The following IDE variants were observed in gnomAD, a reference collection of about 807,000 sequenced individuals.
IDE encodes insulin degrading enzyme, also known as insulin-degrading enzyme.
IDE carries 58 observed loss-of-function variants against 133.2 expected under a neutral mutation model. That is an observed-to-expected ratio of 0.44 (90% CI 0.35 to 0.54). IDE has a LOEUF of 0.54. IDE is among the 20% of genes least tolerant of loss of function. The pLI is 0.00. For missense variants in IDE, 981 were observed against 1,234.0 expected (o/e 0.79, Z 3.07); for synonymous variants, 396 against 421.3 (o/e 0.94, Z 0.73).
intron 22 of IDE, among the ~76,000 whole-genome samples, chr10:92,457,865 C>T (rs982018518): frequency 6.6e-6 from 1 of 152,298 alleles, no homozygotes; most frequent in East Asian, 1.9e-4. Context: ...GCAGGCAAAA[C>T]AGCCCAGATT....
intron 11 of IDE, among the ~76,000 whole-genome samples, chr10:92,502,048 CAGG>C (rs1251958796): frequency 6.6e-6 from 1 of 151,954 alleles, no homozygotes; most frequent in African/African-American, 2.4e-5. Flanking sequence ...GAAGCTGACG[CAGG>C]AGATCACTTA....
intron 1 of IDE, among the ~76,000 whole-genome samples, chr10:92,542,930 A>C (rs916637405): frequency 3.9e-5 from 6 of 152,182 alleles, no homozygotes; most frequent in African/African-American, 1.4e-4. Context: ...CTCTGCAAAG[A>C]ATCTTTTATT....
chr10:92,569,835 C>G (rs75798317), intron 1 of IDE, among the ~76,000 whole-genome samples: 1 of 152,104 alleles, frequency 6.6e-6, no homozygotes, highest in African/African-American at 2.4e-5. Flanking sequence ...TTATTCCGAG[C>G]GCAGTGGCTC....
intron 9 of IDE, among the ~76,000 whole-genome samples, chr10:92,506,774 A>T (rs1174937188): frequency 6.6e-6 from 1 of 152,168 alleles, no homozygotes. Flanking sequence ...TTTCAATGAA[A>T]ATAACAAATA....
intron 1 of IDE, among the ~76,000 whole-genome samples, chr10:92,547,717 C>T (rs1842592045): frequency 6.6e-6 from 1 of 152,066 alleles, no homozygotes; most frequent in Non-Finnish European, 1.5e-5. Flanking sequence ...GATGATCTGC[C>T]CAACTCAGAG....
intron 6 of IDE, 28 bp downstream of exon 6, chr10:92,510,022 G>A: frequency 8.5e-7 from 1 of 1,183,040 alleles, no homozygotes; most frequent in Non-Finnish European, 1.2e-6. Context: ...AAATTAAGAA[G>A]ACAAAATACC....
chr10:92,502,595 A>G (rs1024370841), intron 11 of IDE, among the ~76,000 whole-genome samples: 1 of 152,212 alleles, frequency 6.6e-6, no homozygotes, highest in Non-Finnish European at 1.5e-5. Context: ...ATCAGTGCAT[A>G]TATCACTTTA....
intron 22 of IDE, among the ~76,000 whole-genome samples, chr10:92,460,676 ACT>A (rs1845328706): frequency 6.6e-6 from 1 of 152,238 alleles, no homozygotes; most frequent in African/African-American, 2.4e-5. Context: ...GGTTCAGCAA[ACT>A]TGGTTTAGAG....
At chr10:92,568,979 G>T (rs967824124) in intron 1 of IDE, among the ~76,000 whole-genome samples, 1 of 151,756 alleles carries the variant, frequency 6.6e-6, no homozygotes, top group African/African-American at 2.4e-5. Context: ...TATATACTCT[G>T]GCATGTACAA....
intron 5 of IDE, among the ~76,000 whole-genome samples, chr10:92,510,950 G>C (rs959079280): frequency 3.3e-5 from 5 of 151,160 alleles, no homozygotes; most frequent in Non-Finnish European, 7.4e-5. Context: ...AAATGAGTTA[G>C]ATCTTTGAGA....
chr10:92,484,179 G>A (rs112132897), intron 13 of IDE, among the ~76,000 whole-genome samples: 8,112 of 151,792 alleles, frequency 0.053, 765 homozygotes, highest in African/African-American at 0.18. Flanking sequence ...TTGGGATGCC[G>A]AGGTGGGTGG....
chr10:92,480,899 C>A, intron 14 of IDE: 2 of 963,442 alleles, frequency 2.1e-6, no homozygotes, highest in Non-Finnish European at 2.5e-6. Flanking sequence ...CAGCCAAAAG[C>A]CAACAATTTT....
chr10:92,466,144 T>A (rs1056217961), intron 19 of IDE, among the ~76,000 whole-genome samples: 1 of 146,770 alleles, frequency 6.8e-6, no homozygotes, highest in Non-Finnish European at 1.5e-5. Flanking sequence ...GGCGGGAGGA[T>A]CACTTGACCC....
chr10:92,554,488 T>C (rs550150451), intron 1 of IDE, among the ~76,000 whole-genome samples: 2 of 147,856 alleles, frequency 1.4e-5, no homozygotes, highest in South Asian at 2.1e-4. Context: ...AGGTCTGCAG[T>C]GAGCCATGAT....
chr10:92,564,712 T>TAAAAAAAA (rs1843445355), intron 1 of IDE, among the ~76,000 whole-genome samples: 2 of 59,044 alleles, frequency 3.4e-5, no homozygotes, highest in Non-Finnish European at 7.5e-5. Context: ...AAAAAAAAAC[T>TAAAAAAAA]GAAACTGTAC....
chr10:92,499,772 T>C (rs1022823123), intron 11 of IDE, among the ~76,000 whole-genome samples: 2 of 152,206 alleles, frequency 1.3e-5, no homozygotes, highest in African/African-American at 4.8e-5. Context: ...ATGTTCTATC[T>C]GAGAAATCTT....
intron 1 of IDE, among the ~76,000 whole-genome samples, chr10:92,538,170 C>T (rs909971917): frequency 6.6e-6 from 1 of 152,094 alleles, no homozygotes; most frequent in Non-Finnish European, 1.5e-5. Context: ...CACTACGCCC[C>T]GACCTAGAAT....
At chr10:92,546,669 T>C (rs11187062) in intron 1 of IDE, among the ~76,000 whole-genome samples, 9,689 of 152,246 alleles carry the variant, frequency 0.064, 1,068 homozygotes, top group African/African-American at 0.22. Flanking sequence ...CCCATGTAAG[T>C]ACAGCATCAG....
chr10:92,455,702 A>C (rs1844970068), intron 23 of IDE, 59 bp from the exon 24 acceptor site: 2 of 928,594 alleles, frequency 2.2e-6, no homozygotes, highest in Non-Finnish European at 3.4e-6. Flanking sequence ...CAAAAGAACA[A>C]AAAAAAAAAA....
Sources: gnomAD v4.1 joint callset for allele counts (sites outside exome capture counted in the v4.1 genomes callset) on GRCh38, gnomAD v4.1.1 for gene constraint, MANE v1.5 for transcripts, NCBI Gene and HGNC (gene_info 2026-07-23, HGNC 2026-07-21) for gene names.